GFRA1: variants seen among roughly 807,000 people sequenced by gnomAD.
GFRA1 encodes GDNF family receptor alpha 1.
GFRA1 carries 16 observed loss-of-function variants against 51.6 expected under a neutral mutation model. The observed-to-expected ratio is 0.31, with a 90% CI of 0.21 to 0.47. GFRA1 has a LOEUF of 0.47. GFRA1 is among the 20% of genes least tolerant of loss of function. The pLI is 1.00. For missense variants in GFRA1, 530 were observed against 594.3 expected, an observed-to-expected ratio of 0.89 and a Z score of 1.13; for synonymous variants, 270 against 241.3, an observed-to-expected ratio of 1.12 and a Z score of -1.10.
In GFRA1 at chr10:116,064,321, A is replaced by G. The variant is rs1474844056; in HGVS notation, c.*77T>C. 3.9e-6 allele frequency: 5 copies of G among 1,291,380 alleles called. No individual in the cohort carries two copies. In the Admixed American group the frequency reaches 7.4e-5, roughly 19 times the overall value. The allele number at this position is 1,291,380 out of a possible 1,614,324, so 80.0% of individuals were successfully genotyped here. A position where few individuals can be genotyped will look rare whatever the true frequency, so the allele number is the denominator to read the frequency against. ...AACTGAGCTCCTAAACTGGAATTTC[A>G]GCTATACAAGAGAACAGGAAACAGA... On this transcript the variant is annotated 3_prime_UTR_variant, in exon 11 of 11. Transcript: ENST00000355422.
At chr10:116,237,879 G>A (rs1358746551) in intron 4 of GFRA1, among the ~76,000 whole-genome samples, 1 of 152,146 alleles carries the variant, frequency 6.6e-6, no homozygotes, top group Non-Finnish European at 1.5e-5. Flanking sequence ...GGGGAAAAGG[G>A]TTCCTAGGGG....
At chr10:116,124,753 T>C (rs1036811338) in intron 6 of GFRA1, among the ~76,000 whole-genome samples, 1 of 152,126 alleles carries the variant, frequency 6.6e-6, no homozygotes, top group Non-Finnish European at 1.5e-5. Flanking sequence ...GCATTCAAAG[T>C]TCTCCCCAAG....
At chr10:116,078,656 G>A (rs1389944046) in intron 9 of GFRA1, among the ~76,000 whole-genome samples, 7 of 152,142 alleles carry the variant, frequency 4.6e-5, no homozygotes, top group Admixed American at 1.3e-4. Context: ...CAGAGAAAAC[G>A]CTGGGTATAG....
chr10:116,084,160 C>T (rs1955984673), intron 9 of GFRA1, among the ~76,000 whole-genome samples: 1 of 152,156 alleles, frequency 6.6e-6, no homozygotes, highest in African/African-American at 2.4e-5. Context: ...GGTCTGATGG[C>T]CAGAGAAGAC....
chr10:116,191,212 T>C (rs186976737), intron 5 of GFRA1, among the ~76,000 whole-genome samples: 1 of 152,364 alleles, frequency 6.6e-6, no homozygotes, highest in African/African-American at 2.4e-5. Flanking sequence ...GTACTAGTTA[T>C]GCTAGAACTG....
At chr10:116,216,072 A>G (rs891328944) in intron 4 of GFRA1, among the ~76,000 whole-genome samples, 8 of 152,314 alleles carry the variant, frequency 5.3e-5, no homozygotes, top group African/African-American at 1.2e-4. Flanking sequence ...CCCCACAGCT[A>G]CTAAGAGATT....
At chr10:116,146,652 A>T (rs1015651845) in intron 5 of GFRA1, among the ~76,000 whole-genome samples, 1 of 152,182 alleles carries the variant, frequency 6.6e-6, no homozygotes, top group Admixed American at 6.5e-5. Context: ...CAATACACAG[A>T]AGTAACTGGG....
At chr10:116,113,206 T>C (rs971927655) in intron 6 of GFRA1, among the ~76,000 whole-genome samples, 4 of 149,826 alleles carry the variant, frequency 2.7e-5, no homozygotes, top group Non-Finnish European at 5.9e-5. Flanking sequence ...TTGGAAAATA[T>C]AGTGATTGTT....
At chr10:116,097,850 C>T (rs1956664946) in intron 6 of GFRA1, among the ~76,000 whole-genome samples, 1 of 152,178 alleles carries the variant, frequency 6.6e-6, no homozygotes, top group African/African-American at 2.4e-5. Context: ...TCTTGGCACA[C>T]TTTATGATAT....
intron 5 of GFRA1, among the ~76,000 whole-genome samples, chr10:116,173,351 T>C (rs1589843823): frequency 1.3e-5 from 2 of 151,856 alleles, no homozygotes; most frequent in Non-Finnish European, 2.9e-5. Flanking sequence ...GATTGGAGGG[T>C]TGATGGGGGT....
chr10:116,216,913 A>G (rs1007409849), intron 4 of GFRA1, among the ~76,000 whole-genome samples: 17 of 152,358 alleles, frequency 1.1e-4, no homozygotes, highest in Admixed American at 9.8e-4. Context: ...TTTCACAATC[A>G]GCTGAGCTGC....
chr10:116,191,819 G>A (rs905749354), intron 5 of GFRA1, among the ~76,000 whole-genome samples: 5 of 150,172 alleles, frequency 3.3e-5, no homozygotes, highest in African/African-American at 9.7e-5. Context: ...CTGAGGTCAG[G>A]AGTTTGAGAT....
chr10:116,205,985 A>T (rs1393040154), intron 5 of GFRA1, among the ~76,000 whole-genome samples: 1 of 151,330 alleles, frequency 6.6e-6, no homozygotes, highest in Non-Finnish European at 1.5e-5. Context: ...GAATCTATGC[A>T]AAATTAAATG....
intron 4 of GFRA1, among the ~76,000 whole-genome samples, chr10:116,251,456 C>T (rs1207672901): frequency 6.6e-6 from 1 of 152,172 alleles, no homozygotes; most frequent in Non-Finnish European, 1.5e-5. Flanking sequence ...CCACGAGACA[C>T]TGATGCACAA....
intron 6 of GFRA1, among the ~76,000 whole-genome samples, chr10:116,102,297 T>C (rs1956846445): frequency 6.6e-6 from 1 of 152,234 alleles, no homozygotes; most frequent in Non-Finnish European, 1.5e-5. Flanking sequence ...TTCTTCCTAA[T>C]GTTCCACAGG....
At chr10:116,269,073 C>G (rs1296158696) in intron 4 of GFRA1, among the ~76,000 whole-genome samples, 5 of 152,180 alleles carry the variant, frequency 3.3e-5, no homozygotes, top group Non-Finnish European at 7.3e-5. Context: ...TTTCAACAAT[C>G]TAAGATTATC....
chr10:116,185,409 G>C (rs918637725), intron 5 of GFRA1, among the ~76,000 whole-genome samples: 1 of 151,970 alleles, frequency 6.6e-6, no homozygotes, highest in African/African-American at 2.4e-5. Context: ...ACCCCATCCC[G>C]GCGCACCTCC....
rs144589291 is a variant in GFRA1, at chr10:116,064,256, G to GA, written c.*141dup. On this transcript the variant is annotated 3_prime_UTR_variant, in exon 11 of 11. Coordinates refer to ENST00000355422, the MANE Select transcript of GFRA1 (RefSeq NM_005264.8). The stretch of plus-strand genomic sequence containing the variant: ...GGATCACAAGAAGCTTTCTTAAAAG[G>GA]AAAAAAAAAAAATGTTCCAGTTGAA... 0.026 allele frequency: 15,005 copies of GA among 585,678 alleles called. 32 individuals are homozygous for GA. Among genetic ancestry groups the GA allele is most frequent in the African/African-American group, 0.049 (2,453 of 50,430 alleles). The allele number at this position is 585,678 out of a possible 1,614,324, so 36.3% of individuals were successfully genotyped here. A position where few individuals can be genotyped will look rare whatever the true frequency, so the allele number is the denominator to read the frequency against.
rs75546253 is a variant in GFRA1 at position 116,238,633 on chromosome 10, G to A, written c.419-26988C>T. Among the ~76,000 whole-genome samples, 615 of 152,244 alleles carry A rather than the reference G, an allele frequency of 4.0e-3. 1 individual carries two copies. Among genetic ancestry groups the A allele is most frequent in the African/African-American group, 0.014 (577 of 41,540 alleles). On this transcript the variant is annotated intron_variant, in intron 4 of 10. Coordinates refer to ENST00000355422, the MANE Select transcript of GFRA1 (RefSeq NM_005264.8). ...TTATTTAACAAGGCCTCAGAATTAC[G>A]ACTTAATTGGTTGTAATCCGCTCAA...
Sources: allele counts gnomAD v4.1 joint callset (sites outside exome capture counted in the v4.1 genomes callset), GRCh38; gene constraint gnomAD v4.1.1; transcripts MANE v1.5; gene names NCBI Gene and HGNC (gene_info 2026-07-23, HGNC 2026-07-21).